The following COL14A1 variants were observed in gnomAD, a reference collection of about 807,000 sequenced individuals.
COL14A1 encodes the protein collagen type XIV alpha 1 chain.
In COL14A1, 136 loss-of-function variants were observed where a neutral mutation model predicts 230.3. That is an observed-to-expected ratio of 0.59 (90% CI 0.51 to 0.68). COL14A1 has a LOEUF of 0.68. COL14A1 is among the 30% of genes least tolerant of loss of function. The probability of loss-of-function intolerance (pLI) is 0.00; values close to 1 mark genes in which losing one functional copy is unlikely to be tolerated. For missense variants in COL14A1, 1,976 were observed against 2,215.8 expected, an observed-to-expected ratio of 0.89 and a Z score of 2.17; for synonymous variants, 792 against 784.1, an observed-to-expected ratio of 1.01 and a Z score of -0.17.
chr8:120,275,627 A>C (rs1342168261), intron 26 of COL14A1, among the ~76,000 whole-genome samples: 2 of 152,018 alleles, frequency 1.3e-5, no homozygotes, highest in Non-Finnish European at 2.9e-5. Flanking sequence ...ACACACACAA[A>C]TCAGCAAGAA....
At chr8:120,264,046 G>A (rs138375839) in intron 24 of COL14A1, among the ~76,000 whole-genome samples, 308 of 152,100 alleles carry the variant, frequency 2.0e-3, no homozygotes, top group African/African-American at 7.0e-3. Flanking sequence ...GTAATGAGTT[G>A]TATCAGCATC....
In COL14A1 at chr8:120,227,354, T is replaced by A. The variant is rs1309626970; in HGVS notation, c.2137+2T>A. The A allele has an allele frequency of 6.2e-7, 1 of 1,613,352 alleles. No homozygotes were observed. The highest frequency in any genetic ancestry group is 1.3e-5 in the African/African-American group (1 of 75,022). ...TGGTGACTGCTGTCGGGACCACACG[T>A]AAGTCTTGGTCTGGCCACAGTGCGT... is the stretch of plus-strand genomic sequence containing the variant. On this transcript the variant is annotated splice_donor_variant, in intron 17 of 47. Coordinates refer to ENST00000297848, the MANE Select transcript of COL14A1 (RefSeq NM_021110.4). LOFTEE classifies it high-confidence loss of function.
rs143741482 is a variant in COL14A1 at position 120,371,140 on chromosome 8, T to C, written c.5312-12T>C. 7.1e-4 allele frequency: 1,130 copies of C among 1,596,588 alleles called. 8 individuals are homozygous for C. In the African/African-American group the frequency reaches 0.014, roughly 19 times the overall value. Reference sequence around the variant, plus strand: ...GGTGCAGCAAGTCCCCACCCCCACTTTTCCTCTTTAGCTCCCCATCCAGAT... The same window carrying C: ...GGTGCAGCAAGTCCCCACCCCCACTCTTCCTCTTTAGCTCCCCATCCAGAT... On this transcript the variant is annotated splice_polypyrimidine_tract_variant and intron_variant, in intron 47 of 47. Transcript: ENST00000297848.
At position 120,216,399 on chromosome 8, in the gene COL14A1, A is replaced by G; in HGVS notation, c.1646A>G (p.Asn549Ser). Residue 549 changes from asparagine to serine, a missense_variant, in exon 14 of 48, where the codon AAC (asparagine) becomes AGC (serine). Asn to Ser is a conservative substitution (Grantham distance 46). Transcript: ENST00000297848. ...CTGAGAATCTCCAATGTTGGCTCTAACAGTGCTCGATTAACCTGGGACCCA... is the reference window on the plus strand; with the variant it reads ...CTGAGAATCTCCAATGTTGGCTCTAGCAGTGCTCGATTAACCTGGGACCCA... Reference protein sequence around the residue: ...RNLRISNVGSNSARLTWDPTS... With the variant: ...RNLRISNVGSSSARLTWDPTS... 6.2e-7 allele frequency: 1 copy of G among 1,614,014 alleles called. No homozygotes were observed. Among genetic ancestry groups the G allele is most frequent in the Non-Finnish European group, 8.5e-7 (1 of 1,179,950 alleles).
rs751533597 is a variant in COL14A1 at position 120,225,195 on chromosome 8, G to T, written c.1845G>T (p.Leu615=). Residue 615 remains leucine (L), a synonymous_variant, in exon 15 of 48, where the codon CTG becomes CTT. Transcript: ENST00000297848. ...SIYDEGQSEP[L]TGVFTTEEVP... ...ATGATGAAGGACAGTCAGAGCCTCT[G>T]ACTGGAGTTTTTACCACCGGTAAGC... The T allele has an allele frequency of 6.2e-7, 1 of 1,612,086 alleles. No individual in the cohort carries two copies. The highest frequency in any genetic ancestry group is 1.1e-5 in the South Asian group (1 of 90,702).
chr8:120,315,371 A>G (rs1821184083), intron 38 of COL14A1, among the ~76,000 whole-genome samples, 162 bp from the exon 39 acceptor site: 1 of 35,260 alleles, frequency 2.8e-5, no homozygotes, highest in Admixed American at 3.0e-4. Context: ...ACTCCATTTA[A>G]AAAAAAAAAA....
rs1464959426 is a variant in COL14A1, at chr8:120,206,905, TGGGTAAGAG to T, written c.1040-36_1040-28del. 8 of 1,549,762 alleles carry T rather than the reference TGGGTAAGAG, an allele frequency of 5.2e-6. No individual in the cohort carries two copies. In the Admixed American group the frequency reaches 1.7e-4, roughly 33 times the overall value. The stretch of plus-strand genomic sequence containing the variant: ...GTCTTAGCTTCATAAGAAATAACTT[TGGGTAAGAG>T]GTTTATTTGATATGTTTTTTTAATT... On this transcript the variant is annotated intron_variant, in intron 9 of 47. Transcript: ENST00000297848.
At chr8:120,314,782 A>T (rs938027422) in intron 38 of COL14A1, among the ~76,000 whole-genome samples, 8 of 152,212 alleles carry the variant, frequency 5.3e-5, no homozygotes, top group Admixed American at 6.5e-5. Flanking sequence ...ACTACTAATA[A>T]TAAACATTGG....
At chr8:120,246,338 A>C (rs775876441) in intron 20 of COL14A1, among the ~76,000 whole-genome samples, 1 of 152,182 alleles carries the variant, frequency 6.6e-6, no homozygotes, top group East Asian at 1.9e-4. Flanking sequence ...CTCAAGGGAC[A>C]TGAGGAAGGA....
At chr8:120,230,038 G>T (rs1586786733) in intron 18 of COL14A1, among the ~76,000 whole-genome samples, 1 of 152,206 alleles carries the variant, frequency 6.6e-6, no homozygotes, top group East Asian at 1.9e-4. Flanking sequence ...GTGTCATCGT[G>T]CCTGGCTAAT....
intron 37 of COL14A1, among the ~76,000 whole-genome samples, chr8:120,311,600 G>A (rs1236984226): frequency 6.6e-6 from 1 of 152,152 alleles, no homozygotes; most frequent in Non-Finnish European, 1.5e-5. Flanking sequence ...TGTGGACAGT[G>A]CAGGAATAGA....
At chr8:120,242,399 T>C (rs1818631143) in intron 19 of COL14A1, among the ~76,000 whole-genome samples, 1 of 152,182 alleles carries the variant, frequency 6.6e-6, no homozygotes, top group Admixed American at 6.6e-5. Context: ...TAAATTTAAT[T>C]GGTTAGTTCC....
chr8:120,314,003 T>G lies in COL14A1; in HGVS notation c.4527T>G (p.Ser1509Arg). ...GTCCACCTGGACCTCAAGGACCAAG[T>G]GGTCTGTCCATTCAAGGAATGCCCG... ...PQGPPGPQGP[S>R]GLSIQGMPGM... is the part of the protein sequence containing the mutation. The change falls in exon 38 of 48, where the codon AGT becomes AGG. Residue 1509 changes from serine to arginine, a missense_variant. This residue lies in a region of COL14A1 where 1,791 missense variants were observed against 2,019.5 expected (regional missense o/e 0.89). Transcript: ENST00000297848. 1 of 1,612,200 alleles carries G rather than the reference T, an allele frequency of 6.2e-7. No individual in the cohort carries two copies. The highest frequency in any genetic ancestry group is 8.5e-7 in the Non-Finnish European group (1 of 1,179,206).
intron 1 of COL14A1, among the ~76,000 whole-genome samples, chr8:120,125,958 C>A (rs1052490337): frequency 6.6e-6 from 1 of 152,116 alleles, no homozygotes; most frequent in African/African-American, 2.4e-5. Context: ...AGTAGGCGCT[C>A]CTCCACCTCT....
chr8:120,145,130 TC>T (rs1414386111), intron 1 of COL14A1, among the ~76,000 whole-genome samples: 1 of 152,224 alleles, frequency 6.6e-6, no homozygotes, highest in Non-Finnish European at 1.5e-5. Flanking sequence ...ACACCAAATG[TC>T]ACATTTTACT....
At chr8:120,149,536 C>G (rs188233022) in intron 2 of COL14A1, among the ~76,000 whole-genome samples, 2 of 152,246 alleles carry the variant, frequency 1.3e-5, no homozygotes, top group Admixed American at 1.3e-4. Context: ...AAAGGGCGGG[C>G]AAGTTGCTAA....
intron 45 of COL14A1, among the ~76,000 whole-genome samples, chr8:120,361,816 G>A (rs1823229287): frequency 6.6e-6 from 1 of 152,036 alleles, no homozygotes; most frequent in Admixed American, 6.6e-5. Flanking sequence ...TGGTCGGGGG[G>A]GCCATAAAAA....
At position 120,278,532 on chromosome 8, in the gene COL14A1, A is replaced by G. The variant is rs1819928039; in HGVS notation, c.3435A>G (p.Arg1145=). The G allele has an allele frequency of 1.2e-6, 2 of 1,613,192 alleles. No individual in the cohort carries two copies. The highest frequency in any genetic ancestry group is 1.7e-6 in the Non-Finnish European group (2 of 1,179,476). Residue 1145 remains arginine (R), a synonymous_variant, in exon 28 of 48, where the codon AGA becomes AGG. Transcript: ENST00000297848. The part of the protein sequence containing the change: ...PKVIVVITDG[R]SQDDVNKISR... ...TTATCGTGGTTATAACTGATGGAAG[A>G]TCACAAGATGATGTGAACAAAATCT... is the stretch of plus-strand genomic sequence containing the variant.
intron 9 of COL14A1, among the ~76,000 whole-genome samples, chr8:120,204,442 G>A (rs1303796798): frequency 6.6e-6 from 1 of 152,168 alleles, no homozygotes; most frequent in Non-Finnish European, 1.5e-5. Flanking sequence ...TTTGGGGACT[G>A]GCTTTTTTCA....
Sources: gnomAD v4.1 joint callset for allele counts (sites outside exome capture counted in the v4.1 genomes callset) on GRCh38, gnomAD v4.1.1 for gene constraint, gnomAD v4.1.1 regional missense constraint, MANE v1.5 for transcripts, NCBI Gene and HGNC (gene_info 2026-07-23, HGNC 2026-07-21) for gene names.